Variants in MTHFD2L observed in about 807,000 individuals in gnomAD.
MTHFD2L encodes methylenetetrahydrofolate dehydrogenase (NADP+ dependent) 2 like, also known as bifunctional methylenetetrahydrofolate dehydrogenase/cyclohydrolase 2, mitochondrial.
MTHFD2L carries 29 observed loss-of-function variants against 34.9 expected under a neutral mutation model. The observed-to-expected ratio is 0.83, with a 90% confidence interval of 0.62 to 1.13. The LOEUF (loss-of-function observed/expected upper bound fraction) is 1.13. Ranked by LOEUF, MTHFD2L falls within the 50% of genes most tolerant of loss-of-function variation. The pLI, the probability that MTHFD2L is intolerant of heterozygous loss-of-function variation, is 0.00. For synonymous variants in MTHFD2L, 167 were observed against 155.7 expected (o/e 1.07, Z -0.54); for missense variants, 481 against 446.5 (o/e 1.08, Z -0.70).
chr4:74,252,275 C>T (rs1743421539), intron 6 of MTHFD2L, among the ~76,000 whole-genome samples: 1 of 151,962 alleles, frequency 6.6e-6, no homozygotes. Context: ...CTGTTCTGTA[C>T]CAGACTATTA....
At position 74,293,336 on chromosome 4, in the gene MTHFD2L, T is replaced by C. The variant is rs145298312; in HGVS notation, c.932-8361T>C. ...TGTGTTAGTTTGCTGAGAATGATGG[T>C]TTACATCTATAATACAGATGACCAG... On this transcript the variant is annotated intron_variant, in intron 7 of 7. Transcript: ENST00000325278. Among the ~76,000 whole-genome samples the C allele has an allele frequency of 5.5e-3, 832 of 152,244 alleles. 4 individuals carry two copies. Among genetic ancestry groups the C allele is most frequent in the Middle Eastern group, 0.01 (3 of 294 alleles).
intron 6 of MTHFD2L, among the ~76,000 whole-genome samples, chr4:74,271,134 T>C (rs1027039507): frequency 2.0e-5 from 3 of 152,222 alleles, no homozygotes; most frequent in African/African-American, 7.2e-5. Flanking sequence ...CTGTTCACTC[T>C]AATTGTAGTT....
At chr4:74,270,345 G>A (rs986863973) in intron 6 of MTHFD2L, among the ~76,000 whole-genome samples, 15 of 148,424 alleles carry the variant, frequency 1.0e-4, no homozygotes, top group Middle Eastern at 3.4e-3. Context: ...AACAGGCCCC[G>A]GTGTGCGATG....
intron 6 of MTHFD2L, among the ~76,000 whole-genome samples, chr4:74,244,516 A>G (rs78186211): frequency 7.1e-6 from 1 of 141,008 alleles, no homozygotes; most frequent in Non-Finnish European, 1.6e-5. Flanking sequence ...TAATACTTAT[A>G]TGTTTTTTTC....
chr4:74,154,888 T>C (rs930665396), upstream of MTHFD2L, among the ~76,000 whole-genome samples: 7 of 152,184 alleles, frequency 4.6e-5, no homozygotes, highest in African/African-American at 1.7e-4. Flanking sequence ...TAAATATTTG[T>C]ATATGTAACC....
intron 6 of MTHFD2L, among the ~76,000 whole-genome samples, chr4:74,260,694 C>T (rs530785506): frequency 1.3e-3 from 194 of 152,036 alleles, no homozygotes; most frequent in African/African-American, 4.6e-3. Context: ...TTATTTCATT[C>T]AATTTATAAA....
chr4:74,266,209 T>G (rs1414197620), intron 6 of MTHFD2L, among the ~76,000 whole-genome samples: 1 of 152,130 alleles, frequency 6.6e-6, no homozygotes, highest in Non-Finnish European at 1.5e-5. Context: ...AGAGGTTTCA[T>G]ATAAGTATCA....
At chr4:74,269,551 TTATATA>T (rs1039821068) in intron 6 of MTHFD2L, among the ~76,000 whole-genome samples, 15 of 151,820 alleles carry the variant, frequency 9.9e-5, no homozygotes, top group African/African-American at 3.6e-4. Flanking sequence ...AACAAATACA[TTATATA>T]TAATAATAAA....
chr4:74,217,957 A>G (rs1401123945), intron 5 of MTHFD2L, among the ~76,000 whole-genome samples: 17 of 150,856 alleles, frequency 1.1e-4, no homozygotes, highest in Admixed American at 1.1e-3. Flanking sequence ...CACCTGCCCC[A>G]TGCCCTTCTC....
At chr4:74,123,658 T>G (rs984553129), upstream of MTHFD2L, among the ~76,000 whole-genome samples, 1 of 152,052 alleles carries the variant, frequency 6.6e-6, no homozygotes, top group African/African-American at 2.4e-5. Flanking sequence ...TTATGTAACT[T>G]AGAATGCTTC....
chr4:74,258,905 T>TA (rs1004653124), intron 6 of MTHFD2L, among the ~76,000 whole-genome samples: 3 of 151,876 alleles, frequency 2.0e-5, no homozygotes, highest in South Asian at 2.1e-4. Flanking sequence ...CAGTCCCCAG[T>TA]AAAAAAAATA....
intron 6 of MTHFD2L, among the ~76,000 whole-genome samples, chr4:74,264,735 C>CTTA (rs200571575): frequency 0.011 from 1,617 of 151,636 alleles, 10 homozygotes; most frequent in Middle Eastern, 0.017. Context: ...TTCCAAAGTG[C>CTTA]TTATTATTGG....
At chr4:74,155,234 A>AATAC (rs1411124712), upstream of MTHFD2L, among the ~76,000 whole-genome samples, 4 of 152,298 alleles carry the variant, frequency 2.6e-5, no homozygotes, top group African/African-American at 9.6e-5. Flanking sequence ...ATATAAGTGT[A>AATAC]ATACAGTTAG....
Position 74,267,286 on chromosome 4 carries a change from A to ATTCTT in MTHFD2L, c.806-14117_806-14113dup, listed in dbSNP as rs199561619. On this transcript the variant is annotated intron_variant, in intron 6 of 7. Transcript: ENST00000325278. ...GAAATACATTTCTTTTTTCTATTCTATTCTTTTCTTTTCTTTTCTTTTCTT... is the reference window on the plus strand; with the variant it reads ...GAAATACATTTCTTTTTTCTATTCTATTCTTTTCTTTTCTTTTCTTTTCTTTTCTT... The ATTCTT allele has an allele frequency of 1.6e-3, 1,478 of 918,618 alleles. 7 individuals are homozygous for ATTCTT. Among genetic ancestry groups the ATTCTT allele is most frequent in the East Asian group, 0.015 (123 of 8,104 alleles). 56.9% of individuals were successfully genotyped at this position (918,618 alleles called of 1,614,324 possible). A position where few individuals can be genotyped will look rare whatever the true frequency, so the allele number is the denominator to read the frequency against.
intron 7 of MTHFD2L, among the ~76,000 whole-genome samples, chr4:74,291,708 C>T (rs1219312840): frequency 6.6e-6 from 1 of 152,116 alleles, no homozygotes. Flanking sequence ...TGCTTACTCC[C>T]AAGTGTGTGT....
At chr4:74,271,739 G>A (rs974759717) in intron 6 of MTHFD2L, among the ~76,000 whole-genome samples, 39 of 152,086 alleles carry the variant, frequency 2.6e-4, no homozygotes, top group Non-Finnish European at 5.1e-4. Flanking sequence ...GGATGGCATT[G>A]AATCTATAAA....
upstream of MTHFD2L, among the ~76,000 whole-genome samples, chr4:74,121,614 T>C (rs985969981): frequency 1.4e-5 from 2 of 145,318 alleles, no homozygotes; most frequent in African/African-American, 5.1e-5. Context: ...AATTATTTAA[T>C]TATATATAAT....
chr4:74,206,569 C>T (rs1735364741), intron 5 of MTHFD2L, among the ~76,000 whole-genome samples: 2 of 151,778 alleles, frequency 1.3e-5, no homozygotes, highest in African/African-American at 4.8e-5. Context: ...TGTAATTTGC[C>T]TCAAGGTTGT....
intron 5 of MTHFD2L, among the ~76,000 whole-genome samples, chr4:74,211,427 A>T (rs1426464656): frequency 6.6e-6 from 1 of 152,192 alleles, no homozygotes; most frequent in African/African-American, 2.4e-5. Flanking sequence ...CCTTTTCCGC[A>T]TCTATTGAGA....
Sources: allele counts gnomAD v4.1 joint callset (sites outside exome capture counted in the v4.1 genomes callset), GRCh38; gene constraint gnomAD v4.1.1; transcripts MANE v1.5; gene names NCBI Gene and HGNC (gene_info 2026-07-23, HGNC 2026-07-21).